Variants in HIF3A observed in about 807,000 individuals in gnomAD.
HIF3A encodes hypoxia-inducible factor 3-alpha.
In HIF3A, 41 loss-of-function variants were observed where a neutral mutation model predicts 67.2. The observed-to-expected ratio is 0.61, with a 90% CI of 0.48 to 0.79. The LOEUF is 0.79. Among genes scored for constraint, HIF3A ranks in the 30% least tolerant of loss-of-function variants. The pLI is 0.00. For missense variants in HIF3A, 855 were observed against 898.0 expected (o/e 0.95, Z 0.61); for synonymous variants, 356 against 374.8 (o/e 0.95, Z 0.58).
intron 11 of HIF3A, among the ~76,000 whole-genome samples, chr19:46,328,562 C>A (rs1189941786): frequency 1.3e-5 from 2 of 152,180 alleles, no homozygotes; most frequent in African/African-American, 2.4e-5. Flanking sequence ...TTTCTACTTT[C>A]CACATAACTG....
At position 46,309,375 on chromosome 19, in the gene HIF3A, CT is replaced by C; in HGVS notation, c.770+17del. On this transcript the variant is annotated intron_variant, in intron 6 of 14. Transcript: ENST00000377670. ...GTGACGACAGGTGGGCAGGGGCCCC[CT>C]CTTCCGTCTGCCCAAGTTCAAGTGC... 1 of 1,565,324 alleles carries C rather than the reference CT, an allele frequency of 6.4e-7. No individual in the cohort carries two copies. Among genetic ancestry groups the C allele is most frequent in the Non-Finnish European group, 8.7e-7 (1 of 1,153,284 alleles).
rs538120816 is a variant in HIF3A, at chr19:46,320,760, G to A, written c.1144+199G>A. On this transcript the variant is annotated intron_variant, in intron 9 of 14. Transcript: ENST00000377670. ...CTCGTGCCTCAGGGCCTTTGCACAT[G>A]CAGTTTCCTAGAATGCTCTTCTCTC... 4.6e-5 allele frequency among the ~76,000 whole-genome samples: 7 copies of A among 152,328 alleles called. No homozygotes were observed. The South Asian group carries it at 6.2e-4, about 14-fold the overall frequency.
At chr19:46,307,256 G>A (rs1229349604) in intron 3 of HIF3A, among the ~76,000 whole-genome samples, 1 of 152,126 alleles carries the variant, frequency 6.6e-6, no homozygotes, top group Admixed American at 6.6e-5. Context: ...TCACCCCACT[G>A]GCCAGTAAGC....
chr19:46,320,157 G>A, intron 8 of HIF3A: 1 of 262,522 alleles, frequency 3.8e-6, no homozygotes, highest in Admixed American at 5.3e-5. Context: ...TTGAACCTGG[G>A]AGGCGGAGGT....
chr19:46,324,725 G>A (rs976119545), intron 10 of HIF3A, among the ~76,000 whole-genome samples: 1 of 151,544 alleles, frequency 6.6e-6, no homozygotes. Context: ...GTGGTGGAGG[G>A]CGCCTGTAAT....
At chr19:46,306,352 G>T (rs1270693485) in intron 3 of HIF3A, 1 of 152,214 alleles carries the variant, frequency 6.6e-6, no homozygotes, top group African/African-American at 2.4e-5. Flanking sequence ...ATCAGAGGTT[G>T]AAAGATCAGC....
intron 14 of HIF3A, chr19:46,338,099 G>T (rs1601387709): frequency 2.3e-6 from 1 of 429,324 alleles, no homozygotes. Flanking sequence ...TCACTGGAGT[G>T]TCGGTCCCAT....
At chr19:46,302,421 C>T (rs1318167301) in intron 1 of HIF3A, among the ~76,000 whole-genome samples, 4 of 151,572 alleles carry the variant, frequency 2.6e-5, no homozygotes, top group South Asian at 2.1e-4. Flanking sequence ...TGAGCCACTG[C>T]GCCCGGCCTG....
intron 14 of HIF3A, among the ~76,000 whole-genome samples, chr19:46,338,032 C>G (rs1156255305): frequency 6.6e-6 from 1 of 152,162 alleles, no homozygotes; most frequent in Non-Finnish European, 1.5e-5. Flanking sequence ...TTCACGCACT[C>G]GCACTGTGCC....
intron 12 of HIF3A, among the ~76,000 whole-genome samples, chr19:46,330,579 G>A (rs1971132590): frequency 6.6e-6 from 1 of 151,082 alleles, no homozygotes; most frequent in Admixed American, 6.6e-5. Flanking sequence ...TGGATGGGTG[G>A]TTGGATTAAT....
intron 4 of HIF3A, 133 bp from the exon 5 acceptor site, chr19:46,308,529 TG>T (rs1443341487): frequency 6.2e-6 from 4 of 649,420 alleles, no homozygotes; most frequent in Non-Finnish European, 1.1e-5. Context: ...ATACTACCCC[TG>T]GGGGACCCTC....
In HIF3A at chr19:46,305,391, G is replaced by A. The variant is rs757862220; in HGVS notation, c.363+1G>A. 6.2e-7 allele frequency: 1 copy of A among 1,613,760 alleles called. No homozygotes were observed. Among genetic ancestry groups the A allele is most frequent in the Non-Finnish European group, 8.5e-7 (1 of 1,179,940 alleles). The stretch of plus-strand genomic sequence containing the variant: ...CAGCAAACACCTGGGCCTCAGTCAG[G>A]TGAGAGGAGCTCCTTGCTCTGTGCC... On this transcript the variant is annotated splice_donor_variant, in intron 3 of 14. Transcript: ENST00000377670. LOFTEE classifies it high-confidence loss of function.
chr19:46,328,848 G>C (rs1348966872), intron 11 of HIF3A, among the ~76,000 whole-genome samples: 1 of 152,080 alleles, frequency 6.6e-6, no homozygotes, highest in African/African-American at 2.4e-5. Context: ...AGCCTCCTGA[G>C]TAATTAGAAC....
intron 11 of HIF3A, among the ~76,000 whole-genome samples, chr19:46,328,816 G>A (rs1415808470): frequency 5.3e-5 from 8 of 152,044 alleles, no homozygotes. Flanking sequence ...AAACTCCTGG[G>A]CTGAAACAAT....
intron 8 of HIF3A, among the ~76,000 whole-genome samples, chr19:46,317,962 C>G (rs1170954672): frequency 6.6e-6 from 1 of 151,928 alleles, no homozygotes; most frequent in African/African-American, 2.4e-5. Context: ...TCTCAACCTT[C>G]CAAGTAGGGA....
chr19:46,303,574 G>A, intron 1 of HIF3A: 5 of 1,515,094 alleles, frequency 3.3e-6, no homozygotes, highest in Non-Finnish European at 4.4e-6. Context: ...TCCCCCAGGC[G>A]TCCCTAGCCT....
intron 8 of HIF3A, chr19:46,312,911 T>TTTTTTTTC: frequency 1.5e-6 from 1 of 680,596 alleles, no homozygotes. Flanking sequence ...TTTTTTTTTT[T>TTTTTTTTC]GCGTGAACCT....
intron 10 of HIF3A, among the ~76,000 whole-genome samples, chr19:46,324,748 G>A (rs375224358): frequency 1.3e-5 from 2 of 151,422 alleles, no homozygotes; most frequent in East Asian, 3.9e-4. Flanking sequence ...CAGCTACTTG[G>A]GAGGCTGAGG....
At position 46,309,142 on chromosome 19, in the gene HIF3A, G is replaced by T; in HGVS notation, c.562-9G>T. ...CACCACTGCCTTGTCCCCTCATCTCGGCCCCCAGGTGCTGAACTGCTCTGG... is the reference window on the plus strand; with the variant it reads ...CACCACTGCCTTGTCCCCTCATCTCTGCCCCCAGGTGCTGAACTGCTCTGG... On this transcript the variant is annotated splice_polypyrimidine_tract_variant and intron_variant, in intron 5 of 14. Coordinates refer to ENST00000377670, the MANE Select transcript of HIF3A (RefSeq NM_152795.4). 1 of 1,608,308 alleles carries T rather than the reference G, an allele frequency of 6.2e-7. No homozygotes were observed. The highest frequency in any genetic ancestry group is 1.1e-5 in the South Asian group (1 of 90,722).
Sources: gnomAD v4.1 joint callset for allele counts (sites outside exome capture counted in the v4.1 genomes callset) on GRCh38, gnomAD v4.1.1 for gene constraint, MANE v1.5 for transcripts, NCBI Gene and HGNC (gene_info 2026-07-23, HGNC 2026-07-21) for gene names.